Variants in GALNTL6 observed in about 807,000 individuals in gnomAD.
GALNTL6 encodes polypeptide N-acetylgalactosaminyltransferase-like 6.
In GALNTL6, 46 loss-of-function variants were observed where a neutral mutation model predicts 73.7. That is an observed-to-expected ratio of 0.62 (90% CI 0.49 to 0.80). The LOEUF is 0.80. Among genes scored for constraint, GALNTL6 ranks in the 30% least tolerant of loss-of-function variants. The probability of loss-of-function intolerance (pLI) is 0.00; values close to 1 mark genes in which losing one functional copy is unlikely to be tolerated. For synonymous variants in GALNTL6, 259 were observed against 263.7 expected (o/e 0.98, Z 0.17); for missense variants, 604 against 755.0 (o/e 0.80, Z 2.34).
intron 2 of GALNTL6, among the ~76,000 whole-genome samples, chr4:171,989,956 T>C (rs1257851574): frequency 1.3e-5 from 2 of 152,148 alleles, no homozygotes; most frequent in African/African-American, 4.8e-5. Context: ...TCCAGCCACC[T>C]TTTTAAGAGC....
At chr4:172,789,524 C>A (rs1200869110) in intron 5 of GALNTL6, among the ~76,000 whole-genome samples, 1 of 152,092 alleles carries the variant, frequency 6.6e-6, no homozygotes, top group Admixed American at 6.5e-5. Flanking sequence ...AAATTGGACA[C>A]CCCTGTTATA....
chr4:172,488,477 CAT>C (rs1380460368), intron 5 of GALNTL6, among the ~76,000 whole-genome samples: 2 of 152,112 alleles, frequency 1.3e-5, no homozygotes, highest in African/African-American at 4.8e-5. Flanking sequence ...TTAGCCGGAG[CAT>C]ATAAGCATGG....
At chr4:172,906,028 A>G (rs1746871749) in intron 8 of GALNTL6, among the ~76,000 whole-genome samples, 1 of 152,190 alleles carries the variant, frequency 6.6e-6, no homozygotes, top group Non-Finnish European at 1.5e-5. Flanking sequence ...TAACTGGCAC[A>G]TCCCACTAAG....
intron 10 of GALNTL6, among the ~76,000 whole-genome samples, chr4:173,000,428 A>T (rs1266490786): frequency 6.6e-6 from 1 of 152,212 alleles, no homozygotes; most frequent in Non-Finnish European, 1.5e-5. Context: ...AAATGGAAAA[A>T]CATCCCATGT....
At chr4:172,377,672 C>T (rs1489449635) in intron 5 of GALNTL6, among the ~76,000 whole-genome samples, 3 of 152,154 alleles carry the variant, frequency 2.0e-5, no homozygotes, top group Non-Finnish European at 4.4e-5. Context: ...AGGTCCCAAG[C>T]CCTGCCCCAC....
intron 2 of GALNTL6, among the ~76,000 whole-genome samples, chr4:172,159,015 G>A (rs1734371033): frequency 6.6e-6 from 1 of 152,180 alleles, no homozygotes; most frequent in South Asian, 2.1e-4. Context: ...TTAGAAAGCA[G>A]TTATTTTTGG....
chr4:171,907,849 C>A (rs2110956173), intron 2 of GALNTL6, among the ~76,000 whole-genome samples: 1 of 151,994 alleles, frequency 6.6e-6, no homozygotes, highest in South Asian at 2.1e-4. Context: ...CACATATCTA[C>A]AACTATCTGA....
chr4:172,851,456 G>T (rs11942968), intron 7 of GALNTL6, among the ~76,000 whole-genome samples: 1 of 150,422 alleles, frequency 6.6e-6, no homozygotes, highest in East Asian at 1.9e-4. Flanking sequence ...TATATATCAC[G>T]CATATATACA....
intron 5 of GALNTL6, among the ~76,000 whole-genome samples, chr4:172,582,797 A>G (rs1007999590): frequency 6.6e-6 from 1 of 150,920 alleles, no homozygotes; most frequent in African/African-American, 2.4e-5. Flanking sequence ...TCTCCATTCA[A>G]ATTCCTTTGT....
chr4:171,981,928 G>T (rs947220724), intron 2 of GALNTL6, among the ~76,000 whole-genome samples: 4 of 151,848 alleles, frequency 2.6e-5, no homozygotes, highest in African/African-American at 9.7e-5. Context: ...TTTAACTACA[G>T]ATCTATTCCT....
intron 5 of GALNTL6, among the ~76,000 whole-genome samples, chr4:172,788,685 A>C (rs1014910983): frequency 8.6e-5 from 13 of 151,388 alleles, no homozygotes; most frequent in African/African-American, 2.9e-4. Context: ...AAAAAAAAAA[A>C]AAAAAAGATA....
chr4:172,852,499 C>T (rs757502206), intron 7 of GALNTL6, among the ~76,000 whole-genome samples: 2 of 152,122 alleles, frequency 1.3e-5, no homozygotes, highest in Non-Finnish European at 2.9e-5. Flanking sequence ...GAGCAGCCAC[C>T]TTCCAGCAAT....
chr4:172,955,771 G>C (rs147664579), intron 10 of GALNTL6, among the ~76,000 whole-genome samples: 2,546 of 152,146 alleles, frequency 0.017, 76 homozygotes, highest in African/African-American at 0.058. Flanking sequence ...AGATAGGGGT[G>C]GGGCCGTTTT....
At chr4:172,336,351 A>G (rs1314467141) in intron 4 of GALNTL6, among the ~76,000 whole-genome samples, 1 of 143,502 alleles carries the variant, frequency 7.0e-6, no homozygotes, top group African/African-American at 2.6e-5. Flanking sequence ...GCTCACTGCA[A>G]CCTTTACCTG....
At chr4:171,854,801 C>G (rs969858045) in intron 2 of GALNTL6, among the ~76,000 whole-genome samples, 1 of 152,086 alleles carries the variant, frequency 6.6e-6, no homozygotes, top group Non-Finnish European at 1.5e-5. Context: ...GATTTAATCC[C>G]ATTCATGGAC....
chr4:172,812,503 T>C (rs1400624231), intron 6 of GALNTL6, among the ~76,000 whole-genome samples: 1 of 152,128 alleles, frequency 6.6e-6, no homozygotes, highest in Non-Finnish European at 1.5e-5. Flanking sequence ...ACCTCACAGA[T>C]AGCTATTCTA....
chr4:172,134,285 T>C (rs1194238399), intron 2 of GALNTL6, among the ~76,000 whole-genome samples: 1 of 151,504 alleles, frequency 6.6e-6, no homozygotes, highest in African/African-American at 2.4e-5. Context: ...CTCGGGAGGC[T>C]GAGGCAGGAG....
Position 172,680,686 on chromosome 4 carries a change from C to T in GALNTL6, c.554-128675C>T, listed in dbSNP as rs549188537. ...AAAGCCGTCTTCTTTTCTTCTCCCC[C>T]TTCCTGACAGAAGAGCACTTCTGAG... On this transcript the variant is annotated intron_variant, in intron 5 of 12. Transcript: ENST00000506823. Among the ~76,000 whole-genome samples, 3 of 152,320 alleles carry T rather than the reference C, an allele frequency of 2.0e-5. No homozygotes were observed. In the East Asian group the frequency reaches 5.8e-4, roughly 29 times the overall value.
intron 2 of GALNTL6, among the ~76,000 whole-genome samples, chr4:172,057,108 T>G (rs1731038650): frequency 6.6e-6 from 1 of 152,144 alleles, no homozygotes; most frequent in African/African-American, 2.4e-5. Context: ...TTATTAACTT[T>G]AAACATTAAT....
Sources: gnomAD v4.1 joint callset for allele counts (sites outside exome capture counted in the v4.1 genomes callset) on GRCh38, gnomAD v4.1.1 for gene constraint, MANE v1.5 for transcripts, NCBI Gene and HGNC (gene_info 2026-07-23, HGNC 2026-07-21) for gene names.